Variants in BMP7 observed in about 807,000 individuals in gnomAD.
The protein encoded by BMP7 is osteogenic protein 1.
Under a neutral mutation model 41.2 loss-of-function variants are expected in BMP7, and 12 were observed. The ratio of observed to expected loss-of-function variants is 0.29; its 90% CI spans 0.19 to 0.47. The LOEUF (loss-of-function observed/expected upper bound fraction) is 0.47. Ranked by LOEUF, BMP7 falls within the 20% of genes least tolerant of loss-of-function variation. The pLI is 0.99. For missense variants in BMP7, 467 were observed against 606.0 expected (o/e 0.77, Z 2.41); for synonymous variants, 248 against 250.0 (o/e 0.99, Z 0.07).
chr20:57,228,676 C>T lies in BMP7; in HGVS notation c.419-255G>A, dbSNP rs1384170333. Among the ~76,000 whole-genome samples, 4 of 152,180 alleles carry T rather than the reference C, an allele frequency of 2.6e-5. No individual in the cohort carries two copies. The highest frequency in any genetic ancestry group is 1.3e-4 in the Admixed American group (2 of 15,284). ...ATCCAACCTGCTGGGAAAAGTAGGG[C>T]ACTAACCACAGCCATCCAAGAGGTC... On this transcript the variant is annotated intron_variant, in intron 1 of 6. Coordinates refer to ENST00000395863, the MANE Select transcript of BMP7 (RefSeq NM_001719.3). The surrounding 1 kb of genome is among the most constrained non-coding windows in gnomAD (Gnocchi z 4.5).
chr20:57,188,909 T>C (rs959489692), intron 3 of BMP7, among the ~76,000 whole-genome samples: 7 of 152,212 alleles, frequency 4.6e-5, no homozygotes, highest in Non-Finnish European at 1.0e-4. Flanking sequence ...CGAACCCTGG[T>C]CTGTCAAAAC....
At chr20:57,179,666 C>T (rs577389268) in intron 4 of BMP7, among the ~76,000 whole-genome samples, 2 of 152,238 alleles carry the variant, frequency 1.3e-5, no homozygotes, top group Admixed American at 1.3e-4. Context: ...AGCCCAAAAC[C>T]GGGGGGACGA....
chr20:57,248,965 A>AT (rs372821385), intron 1 of BMP7, among the ~76,000 whole-genome samples: 29 of 150,598 alleles, frequency 1.9e-4, no homozygotes, highest in South Asian at 4.2e-4. Context: ...CGCCCAGCTA[A>AT]TTTTTTTTTG....
intron 4 of BMP7, among the ~76,000 whole-genome samples, chr20:57,182,632 C>T (rs1183523301): frequency 1.3e-5 from 2 of 152,242 alleles, no homozygotes; most frequent in Admixed American, 1.3e-4. Flanking sequence ...CAGTTACCTA[C>T]ACTGTGCCCT....
chr20:57,177,035 C>T (rs6127963), intron 4 of BMP7, among the ~76,000 whole-genome samples: 1 of 152,168 alleles, frequency 6.6e-6, no homozygotes, highest in African/African-American at 2.4e-5. Flanking sequence ...GTAAGCTAGC[C>T]TCCCATGGAC....
rs1411757728 is a variant in BMP7 at position 57,171,540 on chromosome 20, G to A, written c.1147-432C>T. ...ACTCAAATGCCTATGAGTGCCACGTGAGTGCCACTGATAAGCAAAATAGAC... is the reference window on the plus strand; with the variant it reads ...ACTCAAATGCCTATGAGTGCCACGTAAGTGCCACTGATAAGCAAAATAGAC... On this transcript the variant is annotated intron_variant, in intron 6 of 6. Transcript: ENST00000395863. The surrounding 1 kb of genome is among the most constrained non-coding windows in gnomAD (Gnocchi z 4.5). 2.6e-5 allele frequency among the ~76,000 whole-genome samples: 4 copies of A among 152,204 alleles called. No individual in the cohort carries two copies. The highest frequency in any genetic ancestry group is 9.6e-5 in the African/African-American group (4 of 41,472).
At chr20:57,212,342 T>C (rs913456880) in intron 2 of BMP7, among the ~76,000 whole-genome samples, 136 of 152,320 alleles carry the variant, frequency 8.9e-4, no homozygotes, top group Non-Finnish European at 8.4e-4. Context: ...AGGGCACAGG[T>C]GCACGATGTC....
At chr20:57,252,231 G>A (rs1354493622) in intron 1 of BMP7, among the ~76,000 whole-genome samples, 3 of 152,138 alleles carry the variant, frequency 2.0e-5, no homozygotes, top group Admixed American at 6.5e-5. Context: ...GATTCTTCTC[G>A]AGTATTTATC....
chr20:57,236,717 T>C (rs1323411057), intron 1 of BMP7, among the ~76,000 whole-genome samples: 1 of 151,774 alleles, frequency 6.6e-6, no homozygotes, highest in Non-Finnish European at 1.5e-5. Context: ...TGGTCACTGG[T>C]TGCTCAGAGA....
At chr20:57,265,144 A>G (rs1170828742) in intron 1 of BMP7, among the ~76,000 whole-genome samples, 1 of 152,258 alleles carries the variant, frequency 6.6e-6, no homozygotes, top group Non-Finnish European at 1.5e-5. Flanking sequence ...GCTCCAGCCA[A>G]GAGAGAATGG....
At chr20:57,202,402 G>T in intron 3 of BMP7, 73 bp downstream of exon 3, 1 of 1,562,172 alleles carries the variant, frequency 6.4e-7, no homozygotes, top group South Asian at 1.2e-5. Flanking sequence ...AAGCAAGCAT[G>T]AGCACTGCTG....
At chr20:57,186,962 G>A (rs995944639) in intron 3 of BMP7, 1 of 152,200 alleles carries the variant, frequency 6.6e-6, no homozygotes. Flanking sequence ...TTAAAGCTGA[G>A]CCCCTAGGAA....
At chr20:57,249,311 T>C (rs6127982) in intron 1 of BMP7, among the ~76,000 whole-genome samples, 24,009 of 151,932 alleles carry the variant, frequency 0.16, 2,094 homozygotes, top group Admixed American at 0.23. Context: ...TGTTTTGGTA[T>C]GATACAGGTC....
At chr20:57,258,576 G>T (rs1449159674) in intron 1 of BMP7, among the ~76,000 whole-genome samples, 1 of 152,184 alleles carries the variant, frequency 6.6e-6, no homozygotes, top group Non-Finnish European at 1.5e-5. Context: ...AAGTTGCAAA[G>T]GCACTACAGA....
chr20:57,228,125 C>A lies in BMP7; in HGVS notation c.611+104G>T. 7.8e-7 allele frequency: 1 copy of A among 1,274,304 alleles called. No homozygotes were observed. Among genetic ancestry groups the A allele is most frequent in the Non-Finnish European group, 1.1e-6 (1 of 874,922 alleles). 78.9% of individuals were successfully genotyped at this position (1,274,304 alleles called of 1,614,324 possible). On this transcript the variant is annotated intron_variant, in intron 2 of 6. Coordinates refer to ENST00000395863, the MANE Select transcript of BMP7 (RefSeq NM_001719.3). This position sits in a 1 kb window ranked among gnomAD's most constrained non-coding sequence, Gnocchi z 4.5. ...AGGGATAATCTGGTACAGGGCCTGG[C>A]ACGTGGTTGTGCCAATCTGACCCAT...
rs1166803761 is a variant in BMP7 at position 57,264,450 on chromosome 20, AGTCCCGCAGCGCGCTGGCGCTGCCG to A, written c.418+1230_418+1254del. 2.6e-5 allele frequency among the ~76,000 whole-genome samples: 4 copies of A among 152,206 alleles called. No individual in the cohort carries two copies. In the East Asian group the frequency reaches 7.7e-4, roughly 29 times the overall value. ...CTCGGAAACCAAATATTTGATCATC[AGTCCCGCAGCGCGCTGGCGCTGCCG>A]GGGGGTTAGTTTGAGCAAGTCTGGA... On this transcript the variant is annotated intron_variant, in intron 1 of 6. Transcript: ENST00000395863.
chr20:57,202,345 G>A (rs1984639983), intron 3 of BMP7, 130 bp downstream of exon 3: 1 of 1,280,506 alleles, frequency 7.8e-7, no homozygotes, highest in Non-Finnish European at 1.1e-6. Context: ...TCAAAAGGCT[G>A]AACATGGAGT....
intron 4 of BMP7, 57 bp from the exon 5 acceptor site, chr20:57,175,064 A>G: frequency 6.6e-7 from 1 of 1,526,568 alleles, no homozygotes; most frequent in South Asian, 1.2e-5. Flanking sequence ...AAACACACAC[A>G]CATCAAAGTT....
At chr20:57,178,579 C>G (rs540203558) in intron 4 of BMP7, among the ~76,000 whole-genome samples, 6 of 152,206 alleles carry the variant, frequency 3.9e-5, no homozygotes, top group African/African-American at 1.4e-4. Context: ...CAGCTGGACT[C>G]TACAGCCTGC....
Sources: allele counts gnomAD v4.1 joint callset (sites outside exome capture counted in the v4.1 genomes callset), GRCh38; gene constraint gnomAD v4.1.1; non-coding constraint Gnocchi (gnomAD v3.1); transcripts MANE v1.5; gene names NCBI Gene and HGNC (gene_info 2026-07-23, HGNC 2026-07-21).